PDCD6IP: variants seen among roughly 807,000 people sequenced by gnomAD.
The protein encoded by PDCD6IP is programmed cell death 6 interacting protein.
Under a neutral mutation model 103.7 loss-of-function variants are expected in PDCD6IP, and 43 were observed. The ratio of observed to expected loss-of-function variants is 0.41; its 90% CI spans 0.32 to 0.53. The LOEUF is 0.53. PDCD6IP is among the 20% of genes least tolerant of loss of function. The pLI, the probability that PDCD6IP is intolerant of heterozygous loss-of-function variation, is 0.16. For missense variants in PDCD6IP, 871 were observed against 1,036.7 expected (o/e 0.84, Z 2.20); for synonymous variants, 354 against 378.7 (o/e 0.93, Z 0.76).
rs879056682 is a variant in PDCD6IP, at chr3:33,838,379, A to C, written c.1181+52A>C. Reference sequence around the variant, plus strand: ...AAAGTTTTCCGTTTGGTTGTTCTTTAGTTTATGAACATTTTAGTTTCTGAG... The same window carrying C: ...AAAGTTTTCCGTTTGGTTGTTCTTTCGTTTATGAACATTTTAGTTTCTGAG... On this transcript the variant is annotated intron_variant, in intron 9 of 17. Transcript: ENST00000307296. 4 of 1,488,934 alleles carry C rather than the reference A, an allele frequency of 2.7e-6. No homozygotes were observed. In the African/African-American group the frequency reaches 5.5e-5, roughly 21 times the overall value. 92.2% of individuals were successfully genotyped at this position (1,488,934 alleles called of 1,614,324 possible).
chr3:33,828,274 GTATC>G (rs1697172453), intron 6 of PDCD6IP, among the ~76,000 whole-genome samples: 1 of 152,098 alleles, frequency 6.6e-6, no homozygotes, highest in Non-Finnish European at 1.5e-5. Flanking sequence ...AAATATTAGT[GTATC>G]TATGATACTA....
chr3:33,841,505 C>G (rs1182398804), intron 9 of PDCD6IP, among the ~76,000 whole-genome samples: 1 of 122,896 alleles, frequency 8.1e-6, no homozygotes, highest in Non-Finnish European at 1.6e-5. Flanking sequence ...GTGGCGCGAT[C>G]TCGGCTCACT....
chr3:33,836,461 A>G (rs927299292), intron 8 of PDCD6IP, among the ~76,000 whole-genome samples, 195 bp downstream of exon 8: 2 of 152,248 alleles, frequency 1.3e-5, no homozygotes, highest in Non-Finnish European at 2.9e-5. Context: ...AAGCATATGT[A>G]AAGTATACAA....
At position 33,845,309 on chromosome 3, in the gene PDCD6IP, T is replaced by C. The variant is rs1575934160; in HGVS notation, c.1472-110T>C. 11 of 685,410 alleles carry C rather than the reference T, an allele frequency of 1.6e-5. No homozygotes were observed. The East Asian group carries it at 2.8e-4, about 18-fold the overall frequency. The allele number at this position is 685,410 out of a possible 1,614,324, so 42.5% of individuals were successfully genotyped here. A position where few individuals can be genotyped will look rare whatever the true frequency, so the allele number is the denominator to read the frequency against. ...TTATTATGAAGTGAATTGGGGTCTA[T>C]AGAAGGGGAGGATAAGTAAAGTTGG... On this transcript the variant is annotated intron_variant, in intron 11 of 17. Coordinates refer to ENST00000307296, the MANE Select transcript of PDCD6IP (RefSeq NM_013374.6).
chr3:33,867,659 C>A lies in PDCD6IP; in HGVS notation c.*1134C>A, dbSNP rs1011171150. On this transcript the variant is annotated 3_prime_UTR_variant, in exon 18 of 18. Coordinates refer to ENST00000307296, the MANE Select transcript of PDCD6IP (RefSeq NM_013374.6). The stretch of plus-strand genomic sequence containing the variant: ...TTAATCTCTGCCATTAGGATATCTA[C>A]TCACTGTATAAACCTCAGTAAAAAT... 2.6e-5 allele frequency: 4 copies of A among 152,144 alleles called. No homozygotes were observed. The highest frequency in any genetic ancestry group is 4.4e-5 in the Non-Finnish European group (3 of 68,026). The allele number at this position is 152,144 out of a possible 1,614,324, so 9.4% of individuals were successfully genotyped here. A position where few individuals can be genotyped will look rare whatever the true frequency, so the allele number is the denominator to read the frequency against.
chr3:33,854,858 T>A (rs1697793321), intron 14 of PDCD6IP: 1 of 177,704 alleles, frequency 5.6e-6, no homozygotes, highest in East Asian at 1.6e-4. Flanking sequence ...TTAAATAGGT[T>A]TAATGTTATT....
intron 1 of PDCD6IP, among the ~76,000 whole-genome samples, chr3:33,805,720 A>ATTT (rs112781385): frequency 7.1e-6 from 1 of 141,754 alleles, no homozygotes; most frequent in African/African-American, 2.6e-5. Context: ...TACCTGGCCA[A>ATTT]TTTTTTTTTT....
At position 33,836,214 on chromosome 3, in the gene PDCD6IP, C is replaced by A. The variant is rs143303699; in HGVS notation, c.1005C>A (p.Ala335=). 4.3e-6 allele frequency: 7 copies of A among 1,613,436 alleles called. No homozygotes were observed. The highest frequency in any genetic ancestry group is 5.9e-6 in the Non-Finnish European group (7 of 1,179,518). The change falls in exon 8 of 18, where the codon GCC becomes GCA. Residue 335 remains alanine (A), a synonymous_variant. Coordinates refer to ENST00000307296, the MANE Select transcript of PDCD6IP (RefSeq NM_013374.6). ...AAGATCTAGATCCTATTGGCAAAGC[C>A]ACACTTGTGAAATCTACCCCGGTCA... ...DLKDLDPIGK[A]TLVKSTPVNV...
intron 7 of PDCD6IP, among the ~76,000 whole-genome samples, chr3:33,830,199 C>G (rs1268604273): frequency 6.6e-6 from 1 of 152,144 alleles, no homozygotes; most frequent in Non-Finnish European, 1.5e-5. Context: ...GTGACCAAAT[C>G]AGAGAAAGTC....
Position 33,812,492 on chromosome 3 carries a change from C to T in PDCD6IP, c.264+366C>T, listed in dbSNP as rs184795581. 1.8e-3 allele frequency among the ~76,000 whole-genome samples: 269 copies of T among 152,272 alleles called. 1 individual carries two copies. Among genetic ancestry groups the T allele is most frequent in the African/African-American group, 6.2e-3 (257 of 41,570 alleles). ...CAGTTTATGTGCTTTAAAAATTATT[C>T]GCACAAGTTACATTTGCATGTAAAA... On this transcript the variant is annotated intron_variant, in intron 2 of 17. Coordinates refer to ENST00000307296, the MANE Select transcript of PDCD6IP (RefSeq NM_013374.6).
intron 1 of PDCD6IP, among the ~76,000 whole-genome samples, chr3:33,804,990 A>G (rs1226426375): frequency 6.6e-6 from 1 of 152,186 alleles, no homozygotes; most frequent in East Asian, 1.9e-4. Context: ...GGTTGTGTGA[A>G]TTAGCATTGC....
intron 1 of PDCD6IP, 35 bp from the exon 2 acceptor site, chr3:33,812,037 G>C: frequency 2.6e-6 from 4 of 1,568,016 alleles, no homozygotes; most frequent in Non-Finnish European, 3.4e-6. Flanking sequence ...GTAATATTTA[G>C]CTCTGGTAAT....
chr3:33,838,114 G>A, intron 8 of PDCD6IP, 90 bp from the exon 9 acceptor site: 1 of 1,130,834 alleles, frequency 8.8e-7, no homozygotes, highest in Non-Finnish European at 1.3e-6. Flanking sequence ...TATAGACTAT[G>A]TGAATATTGG....
rs189458511 is a variant in PDCD6IP at position 33,838,607 on chromosome 3, A to G, written c.1181+280A>G. 7.8e-3 allele frequency among the ~76,000 whole-genome samples: 1,184 copies of G among 152,164 alleles called. 5 individuals carry two copies. Among genetic ancestry groups the G allele is most frequent in the South Asian group, 0.017 (81 of 4,824 alleles). On this transcript the variant is annotated intron_variant, in intron 9 of 17. Coordinates refer to ENST00000307296, the MANE Select transcript of PDCD6IP (RefSeq NM_013374.6). ...GAGAAGTAGAAATGAACTCAGATAC[A>G]TGGTACATTTAGTGTTCTGAACCAA...
intron 15 of PDCD6IP, among the ~76,000 whole-genome samples, chr3:33,861,055 C>A (rs1697940679): frequency 6.7e-6 from 1 of 149,766 alleles, no homozygotes; most frequent in African/African-American, 2.4e-5. Context: ...CCCAGTATGT[C>A]CAAAGTATTA....
intron 1 of PDCD6IP, among the ~76,000 whole-genome samples, chr3:33,806,198 G>A (rs1559770548): frequency 6.6e-6 from 1 of 152,156 alleles, no homozygotes; most frequent in Non-Finnish European, 1.5e-5. Context: ...AAATACTGGA[G>A]AACATATATA....
At chr3:33,801,541 T>G (rs1696476361) in intron 1 of PDCD6IP, among the ~76,000 whole-genome samples, 1 of 152,174 alleles carries the variant, frequency 6.6e-6, no homozygotes, top group Non-Finnish European at 1.5e-5. Context: ...TAGCATGCAC[T>G]CATAATTCCA....
Position 33,838,430 on chromosome 3 carries a change from T to C in PDCD6IP, c.1181+103T>C, listed in dbSNP as rs1300315190. On this transcript the variant is annotated intron_variant, in intron 9 of 17. Transcript: ENST00000307296. Reference sequence around the variant, plus strand: ...CTTAGAGCTAAATGTCAAGAGTATATAAAATAGAAAATGTAGACACACACT... The same window carrying C: ...CTTAGAGCTAAATGTCAAGAGTATACAAAATAGAAAATGTAGACACACACT... 5.2e-5 allele frequency: 58 copies of C among 1,106,572 alleles called. No homozygotes were observed. The Admixed American group carries it at 1.2e-3, about 23-fold the overall frequency. The allele number at this position is 1,106,572 out of a possible 1,614,324, so 68.5% of individuals were successfully genotyped here.
chr3:33,805,905 C>T (rs1018651518), intron 1 of PDCD6IP, among the ~76,000 whole-genome samples: 9 of 151,936 alleles, frequency 5.9e-5, no homozygotes, highest in South Asian at 2.1e-4. Flanking sequence ...CCACTACGCC[C>T]GGCTAATTTT....
Sources: allele counts gnomAD v4.1 joint callset (sites outside exome capture counted in the v4.1 genomes callset), GRCh38; gene constraint gnomAD v4.1.1; transcripts MANE v1.5; gene names NCBI Gene and HGNC (gene_info 2026-07-23, HGNC 2026-07-21).